The following FBXL17 variants were observed in gnomAD, a reference collection of about 807,000 sequenced individuals.
FBXL17 encodes the protein F-box/LRR-repeat protein 17.
In FBXL17, 22 loss-of-function variants were observed where a neutral mutation model predicts 66.2. That is an observed-to-expected ratio of 0.33 (90% confidence interval 0.24 to 0.47). The LOEUF (loss-of-function observed/expected upper bound fraction) is 0.47, where lower values mean the gene tolerates loss of function less well. Among genes scored for constraint, FBXL17 ranks in the 20% least tolerant of loss-of-function variants. The pLI is 1.00. For synonymous variants in FBXL17, 474 were observed against 400.5 expected (o/e 1.18, Z -2.19); for missense variants, 878 against 948.2 (o/e 0.93, Z 0.97).
chr5:108,181,825 T>C (rs1180107419), intron 6 of FBXL17, among the ~76,000 whole-genome samples: 1 of 152,192 alleles, frequency 6.6e-6, no homozygotes. Flanking sequence ...GTCAATCGTA[T>C]GTGAATCCCA....
chr5:108,338,064 T>C (rs1746629049), intron 4 of FBXL17, among the ~76,000 whole-genome samples: 1 of 151,992 alleles, frequency 6.6e-6, no homozygotes, highest in Admixed American at 6.6e-5. Flanking sequence ...TGTGTATATA[T>C]TAGTGTCCTG....
At chr5:107,882,035 G>A (rs60432240) in intron 7 of FBXL17, among the ~76,000 whole-genome samples, 1,879 of 152,252 alleles carry the variant, frequency 0.012, 43 homozygotes, top group African/African-American at 0.043. Context: ...TTTGATAAAT[G>A]TGCCCACCTT....
chr5:108,054,202 C>T (rs775804409), intron 6 of FBXL17, among the ~76,000 whole-genome samples: 21 of 150,368 alleles, frequency 1.4e-4, no homozygotes, highest in Non-Finnish European at 2.7e-4. Context: ...AACAAACCTG[C>T]ACATTCTGCA....
chr5:108,292,531 C>T (rs1447138571), intron 4 of FBXL17, among the ~76,000 whole-genome samples: 2 of 152,144 alleles, frequency 1.3e-5, no homozygotes, highest in African/African-American at 4.8e-5. Flanking sequence ...ACTGCTCCCT[C>T]AACCTAAAAT....
intron 4 of FBXL17, among the ~76,000 whole-genome samples, chr5:108,331,865 T>C (rs12654121): frequency 0.043 from 6,605 of 152,250 alleles, 771 homozygotes; most frequent in East Asian, 0.39. Context: ...GAATATAACT[T>C]ATAAATGAAA....
At chr5:107,986,274 G>A in intron 7 of FBXL17, among the ~76,000 whole-genome samples, 1 of 151,696 alleles carries the variant, frequency 6.6e-6, no homozygotes, top group Non-Finnish European at 1.5e-5. Flanking sequence ...AAGAAAACCT[G>A]AAATAAACAA....
chr5:108,208,788 A>G (rs1754239099), intron 5 of FBXL17, among the ~76,000 whole-genome samples: 1 of 152,196 alleles, frequency 6.6e-6, no homozygotes, highest in Non-Finnish European at 1.5e-5. Context: ...TGTCATGGCT[A>G]TAAGGGCTCT....
intron 6 of FBXL17, among the ~76,000 whole-genome samples, chr5:108,023,597 G>A (rs1056153143): frequency 6.6e-6 from 1 of 152,030 alleles, no homozygotes; most frequent in South Asian, 2.1e-4. Flanking sequence ...CTTTTCTCCT[G>A]AAACTTTTAG....
At chr5:108,026,642 A>C (rs1243021155) in intron 6 of FBXL17, among the ~76,000 whole-genome samples, 1 of 152,158 alleles carries the variant, frequency 6.6e-6, no homozygotes, top group African/African-American at 2.4e-5. Context: ...AATATCACCA[A>C]CTCCACCAGT....
At chr5:108,224,635 A>AG (rs1340186601) in intron 4 of FBXL17, among the ~76,000 whole-genome samples, 1 of 152,074 alleles carries the variant, frequency 6.6e-6, no homozygotes, top group African/African-American at 2.4e-5. Flanking sequence ...TGTGTTGCCC[A>AG]GGATGGAGTG....
chr5:108,090,002 G>GT (rs1490523259), intron 6 of FBXL17, among the ~76,000 whole-genome samples: 3 of 151,804 alleles, frequency 2.0e-5, no homozygotes, highest in African/African-American at 7.3e-5. Context: ...TAATTTTTGC[G>GT]TTTTTTGTAG....
At chr5:108,042,463 C>T (rs1171715422) in intron 6 of FBXL17, among the ~76,000 whole-genome samples, 1 of 152,066 alleles carries the variant, frequency 6.6e-6, no homozygotes, top group African/African-American at 2.4e-5. Context: ...AATCTGTTCT[C>T]CATTCCTACA....
chr5:108,038,897 C>T (rs1296313705), intron 6 of FBXL17, among the ~76,000 whole-genome samples: 1 of 151,950 alleles, frequency 6.6e-6, no homozygotes, highest in Non-Finnish European at 1.5e-5. Context: ...ATGATATACT[C>T]GGGGTGTGGT....
At chr5:107,892,092 T>C (rs1749213726) in intron 7 of FBXL17, among the ~76,000 whole-genome samples, 1 of 152,126 alleles carries the variant, frequency 6.6e-6, no homozygotes, top group South Asian at 2.1e-4. Flanking sequence ...AGTTATTGAA[T>C]ATCTCATATA....
intron 5 of FBXL17, among the ~76,000 whole-genome samples, chr5:108,202,869 C>T (rs537131695): frequency 1.2e-3 from 186 of 152,176 alleles, no homozygotes; most frequent in Middle Eastern, 3.4e-3. Flanking sequence ...CAGTGTATTG[C>T]TATAGTACGA....
intron 4 of FBXL17, among the ~76,000 whole-genome samples, chr5:108,346,333 A>T (rs1460562282): frequency 1.3e-5 from 2 of 151,062 alleles, no homozygotes; most frequent in Non-Finnish European, 3.0e-5. Context: ...AATGTTAAAT[A>T]AAAAAAAATA....
rs561978175 is a variant in FBXL17 at position 108,077,554 on chromosome 5, A to C, written c.1746-56553T>G. On this transcript the variant is annotated intron_variant, in intron 6 of 8. Transcript: ENST00000542267. ...AGCATGTGCCTATGGTCCCAGCTACATATGAGGCTGAGGCAGGAGGATCCC... is the reference window on the plus strand; with the variant it reads ...AGCATGTGCCTATGGTCCCAGCTACCTATGAGGCTGAGGCAGGAGGATCCC... Among the ~76,000 whole-genome samples the C allele has an allele frequency of 3.9e-5, 6 of 151,966 alleles. No individual in the cohort carries two copies. The East Asian group carries it at 5.8e-4, about 15-fold the overall frequency.
At chr5:107,958,880 C>T (rs1246867379) in intron 7 of FBXL17, among the ~76,000 whole-genome samples, 3 of 152,132 alleles carry the variant, frequency 2.0e-5, no homozygotes, top group African/African-American at 7.2e-5. Flanking sequence ...GGAAAAATTA[C>T]ATCATGTTCT....
rs756726228 is a variant in FBXL17 at position 108,083,218 on chromosome 5, A to AACACAC, written c.1746-62223_1746-62218dup. 2.0e-3 allele frequency among the ~76,000 whole-genome samples: 287 copies of AACACAC among 144,560 alleles called. 1 individual carries two copies. Among genetic ancestry groups the AACACAC allele is most frequent in the African/African-American group, 4.5e-3 (177 of 39,712 alleles). The allele number at this position is 144,560 out of a possible 152,430, so 94.8% of individuals were successfully genotyped here. On this transcript the variant is annotated intron_variant, in intron 6 of 8. Coordinates refer to ENST00000542267, the MANE Select transcript of FBXL17 (RefSeq NM_001163315.3). ...GGCTTCTCCCTCACCCTCACCTCAG[A>AACACAC]ACACACACACACACACACACACACA...
Sources: allele counts gnomAD v4.1 joint callset (sites outside exome capture counted in the v4.1 genomes callset), GRCh38; gene constraint gnomAD v4.1.1; transcripts MANE v1.5; gene names NCBI Gene and HGNC (gene_info 2026-07-23, HGNC 2026-07-21).